The following FLNC variants were observed in gnomAD, a reference collection of about 807,000 sequenced individuals.
FLNC encodes the protein filamin-C.
A neutral mutation model predicts 254.3 loss-of-function variants in FLNC; 91 were observed. The ratio of observed to expected loss-of-function variants is 0.36; its 90% CI spans 0.30 to 0.43. FLNC has a LOEUF of 0.43. Ranked by LOEUF, FLNC falls within the 20% of genes least tolerant of loss-of-function variation. The probability of loss-of-function intolerance (pLI) is 1.00; values close to 1 mark genes in which losing one functional copy is unlikely to be tolerated. For missense variants in FLNC, 2,853 were observed against 3,802.6 expected (o/e 0.75, Z 6.57); for synonymous variants, 1,430 against 1,577.2 (o/e 0.91, Z 2.21).
chr7:128,838,067 A>G lies in FLNC; in HGVS notation c.1047+3A>G. The G allele has an allele frequency of 1.2e-6, 2 of 1,606,630 alleles. No individual in the cohort carries two copies. Among genetic ancestry groups the G allele is most frequent in the Non-Finnish European group, 1.7e-6 (2 of 1,173,464 alleles). On this transcript the variant is annotated splice_donor_region_variant and intron_variant, in intron 6 of 47. Coordinates refer to ENST00000325888, the MANE Select transcript of FLNC (RefSeq NM_001458.5). ...CCAAGGTCGCTGGGTTACACAAGGT[A>G]TCTCCCTCTAGGCCCCCCTGCCTGC...
Position 128,844,945 on chromosome 7 carries a change from C to T in FLNC, c.3480C>T (p.Ala1160=). The T allele has an allele frequency of 6.2e-7, 1 of 1,613,896 alleles. No individual in the cohort carries two copies. Among genetic ancestry groups the T allele is most frequent in the Non-Finnish European group, 8.5e-7 (1 of 1,180,038 alleles). Residue 1160 remains alanine (A), a synonymous_variant, in exon 21 of 48, where the codon GCC becomes GCT. Coordinates refer to ENST00000325888, the MANE Select transcript of FLNC (RefSeq NM_001458.5). ...TGTTTGACCCGAGCAAGGTGCGGGC[C>T]AGTGGACCGGGCCTGGAGCGCGGCA... ...RPVFDPSKVR[A]SGPGLERGKV... is the part of the protein sequence containing the mutation.
At position 128,847,686 on chromosome 7, in the gene FLNC, T is replaced by C; in HGVS notation, c.4289-11T>C. 1 of 1,613,834 alleles carries C rather than the reference T, an allele frequency of 6.2e-7. No individual in the cohort carries two copies. Among genetic ancestry groups the C allele is most frequent in the Non-Finnish European group, 8.5e-7 (1 of 1,179,874 alleles). On this transcript the variant is annotated splice_polypyrimidine_tract_variant and intron_variant, in intron 24 of 47. Transcript: ENST00000325888. ...GCTGGTGGGCAGGGTCTAATGTCCT[T>C]CTCCTCACAGGGAGCCCGTTCCGCG...
Position 128,830,532 on chromosome 7 carries a change from C to T in FLNC, c.-106C>T. The T allele has an allele frequency of 1.1e-6, 1 of 938,350 alleles. No homozygotes were observed. The highest frequency in any genetic ancestry group is 1.7e-6 in the Non-Finnish European group (1 of 604,550). The allele number at this position is 938,350 out of a possible 1,614,324, so 58.1% of individuals were successfully genotyped here. ...GCGCGAGAGAAGTTGGAGAGGAGAG[C>T]AGCGCAGCGCAGCGAGTCCCGTGGT... On this transcript the variant is annotated 5_prime_UTR_variant, in exon 1 of 48. Coordinates refer to ENST00000325888, the MANE Select transcript of FLNC (RefSeq NM_001458.5).
chr7:128,831,957 T>C (rs1482899202), intron 1 of FLNC, among the ~76,000 whole-genome samples: 3 of 150,768 alleles, frequency 2.0e-5, no homozygotes, highest in Non-Finnish European at 2.9e-5. Context: ...TGTGGAGAGC[T>C]CTTAAGAACC....
At position 128,835,141 on chromosome 7, in the gene FLNC, G is replaced by C. The variant is rs1045172271; in HGVS notation, c.353-185G>C. Among the ~76,000 whole-genome samples the C allele has an allele frequency of 1.3e-5, 2 of 152,100 alleles. No homozygotes were observed. Among genetic ancestry groups the C allele is most frequent in the Non-Finnish European group, 2.9e-5 (2 of 68,026 alleles). On this transcript the variant is annotated intron_variant, in intron 1 of 47. Coordinates refer to ENST00000325888, the MANE Select transcript of FLNC (RefSeq NM_001458.5). The surrounding 1 kb of genome is among the most constrained non-coding windows in gnomAD (Gnocchi z 5.3). ...AACACAGAGAAGCAGCCTTCTGACC[G>C]GAAGGGCCCCATAAAGAACTTGGCA...
In FLNC at chr7:128,846,464, G is replaced by A. The variant is rs1346981294; in HGVS notation, c.4127+1G>A. 1.2e-6 allele frequency: 2 copies of A among 1,600,998 alleles called. No individual in the cohort carries two copies. Among genetic ancestry groups the A allele is most frequent in the Non-Finnish European group, 1.7e-6 (2 of 1,179,942 alleles). On this transcript the variant is annotated splice_donor_variant, in intron 23 of 47. Transcript: ENST00000325888. LOFTEE classifies it high-confidence loss of function. ...CCAACCGATTCACTGTGGAGACCAG[G>A]TATCCTCCCCCTTTGCTAGCCTAAA...
Position 128,838,721 on chromosome 7 carries a change from C to T in FLNC, c.1329C>T (p.Ala443=). 1.2e-6 allele frequency: 2 copies of T among 1,613,072 alleles called. No individual in the cohort carries two copies. The highest frequency in any genetic ancestry group is 1.7e-6 in the Non-Finnish European group (2 of 1,179,994). Residue 443 remains alanine, a synonymous_variant, in exon 8 of 48, where the codon GCC becomes GCT. Transcript: ENST00000325888. Reference sequence around the variant, plus strand: ...CGTTCCGCTGCACATACAGACCTGCCATGGAGGGGCCACATACCGTGCATG... The same window carrying T: ...CGTTCCGCTGCACATACAGACCTGCTATGGAGGGGCCACATACCGTGCATG... The part of the protein sequence containing the change: ...DSTFRCTYRP[A]MEGPHTVHVA...
At chr7:128,851,004 C>T in intron 33 of FLNC, 61 bp downstream of exon 33, 1 of 1,590,238 alleles carries the variant, frequency 6.3e-7, no homozygotes, top group Non-Finnish European at 8.6e-7. Context: ...TAGCTTCAGT[C>T]CTGCCTTCCC....
intron 26 of FLNC, among the ~76,000 whole-genome samples, 171 bp from the exon 27 acceptor site, chr7:128,848,390 C>T (rs1285104920): frequency 6.6e-6 from 1 of 152,118 alleles, no homozygotes; most frequent in African/African-American, 2.4e-5. Flanking sequence ...AGAGTGCCCC[C>T]ACCCCCAGAC....
chr7:128,851,077 G>T (rs1808788708), intron 33 of FLNC, 134 bp downstream of exon 33: 6 of 1,508,312 alleles, frequency 4.0e-6, no homozygotes, highest in Non-Finnish European at 5.5e-6. Context: ...CCCCAGGGAG[G>T]CTTATACCCT....
rs780907356 is a variant in FLNC, at chr7:128,840,814, C to A, written c.1677-20C>A. The A allele has an allele frequency of 1.2e-6, 2 of 1,613,574 alleles. No homozygotes were observed. Among genetic ancestry groups the A allele is most frequent in the East Asian group, 2.2e-5 (1 of 44,880 alleles). On this transcript the variant is annotated intron_variant, in intron 10 of 47. Transcript: ENST00000325888. Reference sequence around the variant, plus strand: ...TGGGGGGCACTTCCTGGCATGGACACCAGCTCCCTCTCTGCCCAGCCCCTT... The same window carrying A: ...TGGGGGGCACTTCCTGGCATGGACAACAGCTCCCTCTCTGCCCAGCCCCTT...
At chr7:128,832,747 C>T (rs1807943148) in intron 1 of FLNC, among the ~76,000 whole-genome samples, 1 of 152,220 alleles carries the variant, frequency 6.6e-6, no homozygotes, top group Non-Finnish European at 1.5e-5. Context: ...CCAAGTGGCT[C>T]ACTGGCGCTG....
In FLNC at chr7:128,857,025, A is replaced by C; in HGVS notation, c.7562-93A>C. 6.4e-7 allele frequency: 1 copy of C among 1,568,576 alleles called. No individual in the cohort carries two copies. The highest frequency in any genetic ancestry group is 2.2e-5 in the East Asian group (1 of 44,620). ...TAGGGGCCCTGCTTCCTAAGCCAGG[A>C]GTCCCCACAGAGGCTGTCCAGGGAG... On this transcript the variant is annotated intron_variant, in intron 45 of 47. Coordinates refer to ENST00000325888, the MANE Select transcript of FLNC (RefSeq NM_001458.5). The surrounding 1 kb of genome is among the most constrained non-coding windows in gnomAD (Gnocchi z 4.5).
Position 128,844,674 on chromosome 7 carries a change from C to T in FLNC, c.3209C>T (p.Pro1070Leu), listed in dbSNP as rs370391049. ...PDPSKVCAYG[P>L]GLKGGLVGTP... ...TTCCCCTAGGTCTGTGCTTATGGCC[C>T]GGGTCTCAAGGGTGGACTGGTAGGC... Residue 1070 changes from proline to leucine, a missense_variant, in exon 21 of 48, where the codon CCG becomes CTG. Transcript: ENST00000325888. 2.5e-5 allele frequency: 40 copies of T among 1,612,448 alleles called. No homozygotes were observed. Among genetic ancestry groups the T allele is most frequent in the African/African-American group, 9.3e-5 (7 of 74,900 alleles).
At position 128,841,297 on chromosome 7, in the gene FLNC, G is replaced by A. The variant is rs772752399; in HGVS notation, c.1941G>A (p.Glu647=). Reference sequence around the variant, plus strand: ...CTGTGCACGTCATCTGTGACGATGAGGACATCCGAGACTCACCCTTCATTG... The same window carrying A: ...CTGTGCACGTCATCTGTGACGATGAAGACATCCGAGACTCACCCTTCATTG... ...EYAVHVICDD[E]DIRDSPFIAH... The change falls in exon 12 of 48, where the codon GAG becomes GAA. Residue 647 remains glutamate (E), a synonymous_variant. Transcript: ENST00000325888. The surrounding 1 kb of genome is among the most constrained non-coding windows in gnomAD (Gnocchi z 4.3). The A allele has an allele frequency of 1.2e-6, 2 of 1,614,046 alleles. No individual in the cohort carries two copies. Among genetic ancestry groups the A allele is most frequent in the Non-Finnish European group, 1.7e-6 (2 of 1,179,986 alleles).
rs187481700 is a variant in FLNC, at chr7:128,842,233, C to A, written c.2124C>A (p.Asp708Glu). Residue 708 changes from aspartate to glutamate, a missense_variant and splice_region_variant, in exon 14 of 48, where the codon GAC (aspartate) becomes GAA (glutamate). Physicochemically the swap from Asp to Glu is conservative, Grantham distance 45 (BLOSUM62 2). Around this residue, in one of 10 missense-constraint regions of FLNC, gnomAD observed 1,573 missense variants for 1,883.5 expected, o/e 0.84. Coordinates refer to ENST00000325888, the MANE Select transcript of FLNC (RefSeq NM_001458.5). The surrounding 1 kb of genome is among the most constrained non-coding windows in gnomAD (Gnocchi z 5.4). ...GKGDLKLYAQ[D>E]ADGCPIDIKV... ...CTTTGCTTGGGTGATGCCCACAGGACGCCGACGGCTGTCCCATCGACATCA... is the reference window on the plus strand; with the variant it reads ...CTTTGCTTGGGTGATGCCCACAGGAAGCCGACGGCTGTCCCATCGACATCA... 8.7e-6 allele frequency: 14 copies of A among 1,613,464 alleles called. No individual in the cohort carries two copies. Among genetic ancestry groups the A allele is most frequent in the African/African-American group, 1.3e-5 (1 of 74,908 alleles).
Position 128,842,840 on chromosome 7 carries a change from T to G in FLNC, c.2436T>G (p.Pro812=), listed in dbSNP as rs1323934119. ...AGTGCGCCCCAGGCGTGGTGGGCCC[T>G]GCAGAGGCTGACATTGACTTCGACA... The part of the protein sequence containing the change: ...GIKCAPGVVG[P]AEADIDFDII... The change falls in exon 16 of 48, where the codon CCT becomes CCG. Residue 812 remains proline, a synonymous_variant. Transcript: ENST00000325888. This position sits in a 1 kb window ranked among gnomAD's most constrained non-coding sequence, Gnocchi z 5.4. 1 of 1,613,810 alleles carries G rather than the reference T, an allele frequency of 6.2e-7. No homozygotes were observed. Among genetic ancestry groups the G allele is most frequent in the Non-Finnish European group, 8.5e-7 (1 of 1,180,024 alleles).
intron 1 of FLNC, among the ~76,000 whole-genome samples, chr7:128,833,805 GGAGT>G (rs1260430555): frequency 1.3e-5 from 2 of 152,204 alleles, no homozygotes; most frequent in African/African-American, 4.8e-5. Flanking sequence ...CGGGAGGCAG[GGAGT>G]GAGTGTGTCA....
intron 19 of FLNC, 22 bp downstream of exon 19, chr7:128,843,935 C>T (rs1174847718): frequency 6.2e-7 from 1 of 1,613,986 alleles, no homozygotes; most frequent in East Asian, 2.2e-5. Context: ...AAGAGCCACC[C>T]TGGGAGTGAG....
Sources: allele counts gnomAD v4.1 joint callset (sites outside exome capture counted in the v4.1 genomes callset), GRCh38; gene constraint gnomAD v4.1.1; regional missense constraint gnomAD v4.1.1; non-coding constraint Gnocchi (gnomAD v3.1); transcripts MANE v1.5; gene names NCBI Gene and HGNC (gene_info 2026-07-23, HGNC 2026-07-21).